PDE1C: variants seen among roughly 807,000 people sequenced by gnomAD.
PDE1C encodes the protein phosphodiesterase 1C.
Under a neutral mutation model 93.1 loss-of-function variants are expected in PDE1C, and 62 were observed. The ratio of observed to expected loss-of-function variants is 0.67; its 90% CI spans 0.54 to 0.82. The LOEUF (loss-of-function observed/expected upper bound fraction) is 0.82. PDE1C is among the 40% of genes least tolerant of loss of function. The probability of loss-of-function intolerance (pLI) is 0.00; values close to 1 mark genes in which losing one functional copy is unlikely to be tolerated. For missense variants in PDE1C, 742 were observed against 884.6 expected, an observed-to-expected ratio of 0.84 and a Z score of 2.04; for synonymous variants, 325 against 310.1, an observed-to-expected ratio of 1.05 and a Z score of -0.50.
chr7:31,691,760 C>G, the PDE1C span, among the ~76,000 whole-genome samples: 2 of 132,234 alleles, frequency 1.5e-5, no homozygotes, highest in Non-Finnish European at 3.1e-5. Context: ...GGGAGGTAGT[C>G]TCTTTACTTT....
chr7:32,160,098 G>A (rs78582421), intron 3 of PDE1C, among the ~76,000 whole-genome samples: 1,596 of 152,214 alleles, frequency 0.01, 30 homozygotes, highest in African/African-American at 0.036. Flanking sequence ...AAAGGGGCTG[G>A]GAGGGAAATA....
chr7:32,123,136 C>T (rs1799389858), intron 3 of PDE1C, among the ~76,000 whole-genome samples: 1 of 152,220 alleles, frequency 6.6e-6, no homozygotes, highest in African/African-American at 2.4e-5. Context: ...TTCCTGGACA[C>T]ATACACCCTC....
chr7:31,916,002 C>T (rs1307475749), intron 2 of PDE1C, among the ~76,000 whole-genome samples: 1 of 152,064 alleles, frequency 6.6e-6, no homozygotes, highest in African/African-American at 2.4e-5. Context: ...TTTCTCTGTG[C>T]TCCATGTCTT....
intron 2 of PDE1C, among the ~76,000 whole-genome samples, chr7:31,938,631 AATC>A (rs923420134): frequency 6.6e-6 from 1 of 152,208 alleles, no homozygotes; most frequent in African/African-American, 2.4e-5. Flanking sequence ...ATTTATGTTG[AATC>A]ATCTTTATTC....
intron 2 of PDE1C, among the ~76,000 whole-genome samples, chr7:31,938,723 CT>C (rs1334836764): frequency 9.2e-5 from 14 of 152,044 alleles, no homozygotes; most frequent in Admixed American, 9.2e-4. Context: ...CACACAGCTC[CT>C]AGCACATAAA....
At chr7:31,703,453 G>A in the PDE1C span, among the ~76,000 whole-genome samples, 4 of 152,296 alleles carry the variant, frequency 2.6e-5, no homozygotes, top group East Asian at 5.8e-4. Flanking sequence ...TGGGAAGGGG[G>A]AGAGGTTGTA....
chr7:32,014,630 G>GC (rs558029118), intron 2 of PDE1C, among the ~76,000 whole-genome samples: 77 of 151,838 alleles, frequency 5.1e-4, no homozygotes, highest in African/African-American at 1.7e-3. Context: ...CTTCCGACAG[G>GC]CCCCAGTATG....
chr7:31,823,171 T>G lies in PDE1C; in HGVS notation c.1484A>C (p.Asn495Thr). ...ATAGTCAACGGAGATGACAGAATTGTTGATCGGGGCACTTCCCTCTGAACC... is the reference window on the plus strand; with the variant it reads ...ATAGTCAACGGAGATGACAGAATTGGTGATCGGGGCACTTCCCTCTGAACC... Reference protein sequence around the residue: ...TSGSEGSAPINNSVISVDYKS... With the variant: ...TSGSEGSAPITNSVISVDYKS... Residue 495 changes from asparagine (N) to threonine (T), a missense_variant, in exon 14 of 18, where the codon AAC becomes ACC. Physicochemically the swap from Asn to Thr is moderately conservative, Grantham distance 65. Around this residue, in one of 4 missense-constraint regions of PDE1C, gnomAD observed 454 missense variants for 459.4 expected, o/e 0.99. Coordinates refer to ENST00000396191, the MANE Select transcript of PDE1C (RefSeq NM_001191057.4). 2 of 1,613,458 alleles carry G rather than the reference T, an allele frequency of 1.2e-6. No individual in the cohort carries two copies. Among genetic ancestry groups the G allele is most frequent in the Non-Finnish European group, 1.7e-6 (2 of 1,179,592 alleles).
chr7:32,252,014 G>T (rs1809429973), intron 1 of PDE1C, among the ~76,000 whole-genome samples: 1 of 152,248 alleles, frequency 6.6e-6, no homozygotes, highest in African/African-American at 2.4e-5. Context: ...TCCAGGGAGG[G>T]TTCCATTTTG....
intron 5 of PDE1C, among the ~76,000 whole-genome samples, chr7:31,876,762 TG>T (rs1796649029): frequency 6.6e-6 from 1 of 152,148 alleles, no homozygotes; most frequent in Admixed American, 6.5e-5. Context: ...TAAAGAGGAA[TG>T]GGAGAAAAGA....
intron 1 of PDE1C, among the ~76,000 whole-genome samples, chr7:32,368,488 T>G (rs1368828001): frequency 6.6e-6 from 1 of 151,776 alleles, no homozygotes; most frequent in African/African-American, 2.4e-5. Flanking sequence ...AAAACACTAA[T>G]GAAAAAAATT....
At chr7:32,076,894 C>T (rs772996410) in intron 3 of PDE1C, among the ~76,000 whole-genome samples, 1 of 150,420 alleles carries the variant, frequency 6.6e-6, no homozygotes, top group Admixed American at 6.6e-5. Flanking sequence ...TAAAAGAATG[C>T]CAACTAATAA....
At chr7:31,829,054 A>T (rs950173945) in intron 11 of PDE1C, among the ~76,000 whole-genome samples, 33 of 152,178 alleles carry the variant, frequency 2.2e-4, no homozygotes, top group African/African-American at 7.7e-4. Context: ...TTTTCTAAAA[A>T]CTTGGGCCAG....
intron 1 of PDE1C, among the ~76,000 whole-genome samples, chr7:32,257,372 A>C (rs1383756093): frequency 6.6e-6 from 1 of 152,154 alleles, no homozygotes; most frequent in African/African-American, 2.4e-5. Context: ...ATGAAGACTA[A>C]CTGATGTTTA....
chr7:32,230,151 C>T (rs989698340), intron 1 of PDE1C, among the ~76,000 whole-genome samples: 9 of 152,148 alleles, frequency 5.9e-5, no homozygotes, highest in Non-Finnish European at 8.8e-5. Context: ...TCAAGGCAAT[C>T]GTCATCCACC....
intron 1 of PDE1C, among the ~76,000 whole-genome samples, chr7:32,418,676 G>T (rs1336683804): frequency 6.6e-6 from 1 of 152,046 alleles, no homozygotes; most frequent in African/African-American, 2.4e-5. Context: ...AACATTTTTT[G>T]TCTCTTGGAC....
chr7:31,798,625 T>C (rs1299243100), intron 16 of PDE1C, among the ~76,000 whole-genome samples: 6 of 151,714 alleles, frequency 4.0e-5, no homozygotes, highest in Non-Finnish European at 8.8e-5. Flanking sequence ...AAAAATCATA[T>C]CAACAGTTCC....
the PDE1C span, among the ~76,000 whole-genome samples, chr7:31,728,667 C>A: frequency 2.0e-5 from 3 of 152,166 alleles, no homozygotes; most frequent in African/African-American, 7.2e-5. Flanking sequence ...TGAGTTCACA[C>A]CATCCTGGAG....
At chr7:32,022,676 G>A (rs753829922) in intron 2 of PDE1C, among the ~76,000 whole-genome samples, 2 of 151,762 alleles carry the variant, frequency 1.3e-5, no homozygotes, top group Non-Finnish European at 2.9e-5. Context: ...ACTTAGGCCT[G>A]GAACTTTAAA....
Sources: allele counts gnomAD v4.1 joint callset (sites outside exome capture counted in the v4.1 genomes callset), GRCh38; gene constraint gnomAD v4.1.1; regional missense constraint gnomAD v4.1.1; transcripts MANE v1.5; gene names NCBI Gene and HGNC (gene_info 2026-07-23, HGNC 2026-07-21).